C6orf118: variants seen among roughly 807,000 people sequenced by gnomAD.
C6orf118 encodes the protein chromosome 6 open reading frame 118.
Under a neutral mutation model 50.2 loss-of-function variants are expected in C6orf118, and 50 were observed. That is an observed-to-expected ratio of 1.00 (90% confidence interval 0.79 to 1.26). The LOEUF is 1.26. C6orf118 is among the 50% of genes most tolerant of loss of function. The pLI is 0.00. For missense variants in C6orf118, 641 were observed against 578.7 expected (o/e 1.11, Z -1.10); for synonymous variants, 239 against 230.9 (o/e 1.03, Z -0.32).
chr6:165,283,435 T>A (rs146008488), intron 7 of C6orf118, among the ~76,000 whole-genome samples: 94 of 152,334 alleles, frequency 6.2e-4, no homozygotes, highest in African/African-American at 2.0e-3. Flanking sequence ...CTAGTCAGTC[T>A]GCACAAGGGG....
intron 5 of C6orf118, among the ~76,000 whole-genome samples, chr6:165,295,169 GC>G (rs1780246628): frequency 6.6e-6 from 1 of 151,918 alleles, no homozygotes; most frequent in African/African-American, 2.4e-5. Context: ...TTTTCCCAAT[GC>G]CTATTATGTT....
chr6:165,279,939 A>G lies in C6orf118; in HGVS notation c.*118T>C. 1 of 1,018,420 alleles carries G rather than the reference A, an allele frequency of 9.8e-7. No individual in the cohort carries two copies. The highest frequency in any genetic ancestry group is 1.4e-6 in the Non-Finnish European group (1 of 707,282). The allele number at this position is 1,018,420 out of a possible 1,614,324, so 63.1% of individuals were successfully genotyped here. On this transcript the variant is annotated 3_prime_UTR_variant, in exon 9 of 9. Transcript: ENST00000230301. ...ACATATACCACATTAATTTTACTAG[A>G]GATTAAAGCTGATGAAATGAAATGT...
intron 7 of C6orf118, among the ~76,000 whole-genome samples, chr6:165,289,235 A>G (rs1780023958): frequency 6.6e-6 from 1 of 151,968 alleles, no homozygotes; most frequent in East Asian, 1.9e-4. Flanking sequence ...GTAAAAGAGA[A>G]AGAGATAATT....
chr6:165,284,986 G>T (rs148389907), intron 7 of C6orf118, among the ~76,000 whole-genome samples: 85 of 152,224 alleles, frequency 5.6e-4, no homozygotes, highest in African/African-American at 1.9e-3. Flanking sequence ...AAATGTAAAT[G>T]GGCTAAATGC....
At chr6:165,303,262 C>T (rs925506114) in intron 1 of C6orf118, among the ~76,000 whole-genome samples, 1 of 152,152 alleles carries the variant, frequency 6.6e-6, no homozygotes, top group Non-Finnish European at 1.5e-5. Flanking sequence ...TCAGCTTAGT[C>T]CTTCAGAGCA....
At position 165,301,895 on chromosome 6, in the gene C6orf118, C is replaced by G. The variant is rs1780559518; in HGVS notation, c.427G>C (p.Glu143Gln). The G allele has an allele frequency of 6.2e-7, 1 of 1,613,736 alleles. No homozygotes were observed. Among genetic ancestry groups the G allele is most frequent in the African/African-American group, 1.3e-5 (1 of 74,910 alleles). ...NPQASLSHTS[E>Q]EDFLPVEAVR... is the part of the protein sequence containing the mutation. ...GCCTCCACTGGAAGGAAATCCTCCTCTGAAGTGTGGGAAAGAGAGGCCTGG... is the reference window on the plus strand; with the variant it reads ...GCCTCCACTGGAAGGAAATCCTCCTGTGAAGTGTGGGAAAGAGAGGCCTGG... Residue 143 changes from glutamate (E) to glutamine (Q), a missense_variant, in exon 2 of 9, where the codon GAG becomes CAG. Transcript: ENST00000230301.
intron 5 of C6orf118, among the ~76,000 whole-genome samples, chr6:165,294,386 T>A (rs2128160196): frequency 1.3e-5 from 2 of 152,290 alleles, no homozygotes; most frequent in Middle Eastern, 6.8e-3. Flanking sequence ...TCTTATGTTT[T>A]ATAGATTTAA....
At chr6:165,299,560 G>T in intron 3 of C6orf118, 58 bp from the exon 4 acceptor site, 1 of 1,290,414 alleles carries the variant, frequency 7.7e-7, no homozygotes, top group Non-Finnish European at 1.1e-6. Flanking sequence ...CAGTGCAGGT[G>T]TTTCACGTGT....
chr6:165,302,340 T>G (rs900520724), intron 1 of C6orf118, 44 bp from the exon 2 acceptor site: 1 of 1,581,820 alleles, frequency 6.3e-7, no homozygotes, highest in South Asian at 1.1e-5. Context: ...CGCTCTTAGT[T>G]CCACAGTAAG....
At chr6:165,293,040 G>C (rs1016911835) in intron 6 of C6orf118, among the ~76,000 whole-genome samples, 3 of 152,128 alleles carry the variant, frequency 2.0e-5, no homozygotes, top group African/African-American at 7.2e-5. Flanking sequence ...TAATGAGCAA[G>C]ATACTTAAAC....
At chr6:165,286,436 G>A (rs531306657) in intron 7 of C6orf118, among the ~76,000 whole-genome samples, 24 of 152,154 alleles carry the variant, frequency 1.6e-4, no homozygotes, top group Non-Finnish European at 3.2e-4. Flanking sequence ...TATGAGGCCC[G>A]CATCATCCTG....
chr6:165,308,165 G>T (rs1012374453), intron 1 of C6orf118, among the ~76,000 whole-genome samples: 1 of 152,176 alleles, frequency 6.6e-6, no homozygotes, highest in Non-Finnish European at 1.5e-5. Flanking sequence ...AGAATGATGG[G>T]ACCCAGAGCT....
chr6:165,285,409 CAA>C (rs1449299356), intron 7 of C6orf118, among the ~76,000 whole-genome samples: 3 of 152,130 alleles, frequency 2.0e-5, no homozygotes, highest in African/African-American at 7.2e-5. Flanking sequence ...AGAAAATTAA[CAA>C]AGATATTCAC....
intron 1 of C6orf118, among the ~76,000 whole-genome samples, chr6:165,308,955 G>A (rs546079801): frequency 8.1e-4 from 124 of 152,276 alleles, no homozygotes; most frequent in Non-Finnish European, 1.4e-3. Flanking sequence ...TGAATCAGTC[G>A]GTAGTCCTGT....
chr6:165,281,799 T>C (rs1779739780), intron 7 of C6orf118, 106 bp from the exon 8 acceptor site: 1 of 639,560 alleles, frequency 1.6e-6, no homozygotes, highest in Admixed American at 4.2e-5. Flanking sequence ...ATTTCAAGAG[T>C]ACTCAATAGC....
intron 8 of C6orf118, among the ~76,000 whole-genome samples, chr6:165,281,239 T>C (rs1483609273): frequency 6.6e-6 from 1 of 152,174 alleles, no homozygotes; most frequent in Non-Finnish European, 1.5e-5. Context: ...GAATTCACCC[T>C]CACCTCCAGC....
intron 6 of C6orf118, 67 bp from the exon 7 acceptor site, chr6:165,290,134 G>A: frequency 4.3e-6 from 4 of 927,494 alleles, no homozygotes; most frequent in South Asian, 1.6e-5. Flanking sequence ...ATAGCATTAT[G>A]TATTATTAAC....
At position 165,300,307 on chromosome 6, in the gene C6orf118, T is replaced by C. The variant is rs1239391185; in HGVS notation, c.876+57A>G. ...TCAGTGCGGCTTGAGATCATTCTTG[T>C]ACACAGAACCTCATGCAAGCTTCTC... On this transcript the variant is annotated intron_variant, in intron 3 of 8. Coordinates refer to ENST00000230301, the MANE Select transcript of C6orf118 (RefSeq NM_144980.4). The C allele has an allele frequency of 7.5e-6, 12 of 1,601,770 alleles. No homozygotes were observed. The Admixed American group carries it at 2.0e-4, about 27-fold the overall frequency.
Position 165,298,051 on chromosome 6 carries a change from C to G in C6orf118, c.987G>C (p.Ala329=). ...KALGQRPVKT[A]DMDLAREELR... Reference sequence around the variant, plus strand: ...GCTCTTCCCTGGCGAGATCCATGTCCGCCGTCTTCACCGGCCTCTGCCCCA... The same window carrying G: ...GCTCTTCCCTGGCGAGATCCATGTCGGCCGTCTTCACCGGCCTCTGCCCCA... The change falls in exon 5 of 9, where the codon GCG becomes GCC. Residue 329 remains alanine, a synonymous_variant. Transcript: ENST00000230301. 2 of 1,613,254 alleles carry G rather than the reference C, an allele frequency of 1.2e-6. No individual in the cohort carries two copies. Among genetic ancestry groups the G allele is most frequent in the Non-Finnish European group, 1.7e-6 (2 of 1,179,604 alleles).
Sources: allele counts gnomAD v4.1 joint callset (sites outside exome capture counted in the v4.1 genomes callset), GRCh38; gene constraint gnomAD v4.1.1; transcripts MANE v1.5; gene names NCBI Gene and HGNC (gene_info 2026-07-23, HGNC 2026-07-21).